The following PDE9A variants were observed in gnomAD, a reference collection of about 807,000 sequenced individuals.
PDE9A encodes high affinity cGMP-specific 3',5'-cyclic phosphodiesterase 9A.
In PDE9A, 60 loss-of-function variants were observed where a neutral mutation model predicts 87.4. The ratio of observed to expected loss-of-function variants is 0.69; its 90% CI spans 0.56 to 0.85. PDE9A has a LOEUF of 0.85. Ranked by LOEUF, PDE9A falls within the 40% of genes least tolerant of loss-of-function variation. The pLI, the probability that PDE9A is intolerant of heterozygous loss-of-function variation, is 0.00. For synonymous variants in PDE9A, 272 were observed against 279.4 expected, an observed-to-expected ratio of 0.97 and a Z score of 0.27; for missense variants, 665 against 779.0, an observed-to-expected ratio of 0.85 and a Z score of 1.74.
chr21:42,688,071 G>T lies in PDE9A; in HGVS notation c.218+77G>T, dbSNP rs549134032. On this transcript the variant is annotated intron_variant, in intron 3 of 19. Coordinates refer to ENST00000291539, the MANE Select transcript of PDE9A (RefSeq NM_002606.3). The stretch of plus-strand genomic sequence containing the variant: ...GACATGGGAGGCTTTCTGTGATTTT[G>T]TAAATGTGCTACTGCAGAAAGGTGT... 2.8e-4 allele frequency: 334 copies of T among 1,185,284 alleles called. 1 individual carries two copies. The African/African-American group carries it at 4.2e-3, about 15-fold the overall frequency. The allele number at this position is 1,185,284 out of a possible 1,614,324, so 73.4% of individuals were successfully genotyped here.
At chr21:42,679,917 CTT>C (rs2059070136) in intron 1 of PDE9A, among the ~76,000 whole-genome samples, 1 of 152,186 alleles carries the variant, frequency 6.6e-6, no homozygotes, top group Non-Finnish European at 1.5e-5. Flanking sequence ...GAAACAGACT[CTT>C]TCTCAAGCCA....
intron 1 of PDE9A, among the ~76,000 whole-genome samples, chr21:42,679,747 G>A (rs1227131952): frequency 1.3e-5 from 2 of 152,122 alleles, no homozygotes; most frequent in East Asian, 1.9e-4. Context: ...CTCTGGACCC[G>A]GAAAGGAAAC....
chr21:42,750,573 C>CTT (rs34377795), intron 8 of PDE9A, among the ~76,000 whole-genome samples: 19 of 147,188 alleles, frequency 1.3e-4, no homozygotes, highest in East Asian at 2.0e-4. Flanking sequence ...ACTTTTTTTT[C>CTT]TTTTTTTTTT....
In PDE9A at chr21:42,696,704, C is replaced by T. The variant is rs758007240; in HGVS notation, c.219-2264C>T. On this transcript the variant is annotated intron_variant, in intron 3 of 19. Transcript: ENST00000291539. This position sits in a 1 kb window ranked among gnomAD's most constrained non-coding sequence, Gnocchi z 5.1. ...CTTCCTAGGCAACCCTGGCACGGGTCCTCACTGGCCACACTGAGGCCATCA... is the reference window on the plus strand; with the variant it reads ...CTTCCTAGGCAACCCTGGCACGGGTTCTCACTGGCCACACTGAGGCCATCA... 2.0e-5 allele frequency among the ~76,000 whole-genome samples: 3 copies of T among 152,220 alleles called. No individual in the cohort carries two copies. Among genetic ancestry groups the T allele is most frequent in the Non-Finnish European group, 4.4e-5 (3 of 68,034 alleles).
intron 1 of PDE9A, among the ~76,000 whole-genome samples, chr21:42,668,891 T>TC (rs1569112468): frequency 9.2e-6 from 1 of 108,776 alleles, no homozygotes; most frequent in African/African-American, 4.9e-5. Flanking sequence ...TCAGAGCTGC[T>TC]CCCTCCACCC....
chr21:42,676,316 G>A (rs906812933), intron 1 of PDE9A, among the ~76,000 whole-genome samples: 3 of 152,214 alleles, frequency 2.0e-5, no homozygotes, highest in East Asian at 1.9e-4. Context: ...TCTTGCCTGT[G>A]TAGACTCTTA....
chr21:42,769,546 A>G (rs2056777659), intron 17 of PDE9A, among the ~76,000 whole-genome samples: 1 of 126,316 alleles, frequency 7.9e-6, no homozygotes, highest in Non-Finnish European at 1.6e-5. Context: ...AGGCACACAA[A>G]TGCACACACA....
At chr21:42,713,160 A>G (rs1302157277) in intron 4 of PDE9A, among the ~76,000 whole-genome samples, 1 of 145,318 alleles carries the variant, frequency 6.9e-6, no homozygotes, top group Non-Finnish European at 1.5e-5. Flanking sequence ...GTTTTGAGAC[A>G]GTGTCGCTCT....
At position 42,668,901 on chromosome 21, in the gene PDE9A, C is replaced by CCG. The variant is rs1252504010; in HGVS notation, c.69+15019_69+15020insGC. Among the ~76,000 whole-genome samples, 2 of 139,088 alleles carry CCG rather than the reference C, an allele frequency of 1.4e-5. 1 individual carries two copies. 91.2% of individuals were successfully genotyped at this position (139,088 alleles called of 152,430 possible). On this transcript the variant is annotated intron_variant, in intron 1 of 19. Coordinates refer to ENST00000291539, the MANE Select transcript of PDE9A (RefSeq NM_002606.3). ...GATTATCAGAGCTGCTCCCTCCACC[C>CCG]CCCGCCACGTCCCACGCGGGCCACA...
In PDE9A at chr21:42,760,604, G is replaced by A. The variant is rs1182956967; in HGVS notation, c.1002+172G>A. On this transcript the variant is annotated intron_variant, in intron 12 of 19. Coordinates refer to ENST00000291539, the MANE Select transcript of PDE9A (RefSeq NM_002606.3). This position sits in a 1 kb window ranked among gnomAD's most constrained non-coding sequence, Gnocchi z 5.2. The stretch of plus-strand genomic sequence containing the variant: ...CCCACCGTTGTCAGTCACCCCATGG[G>A]CGAGGCTGCTCCTAGGATTACGAGA... Among the ~76,000 whole-genome samples, 1 of 151,900 alleles carries A rather than the reference G, an allele frequency of 6.6e-6. No homozygotes were observed. Among genetic ancestry groups the A allele is most frequent in the Non-Finnish European group, 1.5e-5 (1 of 67,932 alleles).
rs1056426495 is a variant in PDE9A at position 42,653,874 on chromosome 21, C to G, written c.60C>G (p.Arg20=). 1.1e-5 allele frequency: 17 copies of G among 1,557,116 alleles called. No homozygotes were observed. Among genetic ancestry groups the G allele is most frequent in the Admixed American group, 1.8e-5 (1 of 55,248 alleles). The part of the protein sequence containing the change: ...PKAIYLDIDG[R]IQKVIFSKYC... Reference sequence around the variant, plus strand: ...CCATCTACCTGGACATCGATGGACGCATTCAGAAGGTAGCCCCTCCCCCAC... The same window carrying G: ...CCATCTACCTGGACATCGATGGACGGATTCAGAAGGTAGCCCCTCCCCCAC... Residue 20 remains arginine, a synonymous_variant, in exon 1 of 20, where the codon CGC becomes CGG. Transcript: ENST00000291539.
chr21:42,740,708 A>ATAGATAGATAGAT (rs1316669514), intron 7 of PDE9A, among the ~76,000 whole-genome samples: 9 of 98,250 alleles, frequency 9.2e-5, no homozygotes, highest in African/African-American at 4.0e-4. Context: ...TAGGTAGTAG[A>ATAGATAGATAGAT]TAGATAGATA....
chr21:42,750,252 G>A (rs908921426), intron 8 of PDE9A, among the ~76,000 whole-genome samples: 1 of 152,186 alleles, frequency 6.6e-6, no homozygotes, highest in Admixed American at 6.5e-5. Flanking sequence ...TTTGAACCTA[G>A]GAGTTCAAGA....
chr21:42,733,224 A>G, intron 6 of PDE9A, 132 bp from the exon 7 acceptor site: 2 of 643,272 alleles, frequency 3.1e-6, no homozygotes, highest in Admixed American at 2.6e-5. Flanking sequence ...TTGGCACCTC[A>G]GACCCTCACC....
At chr21:42,747,520 C>T (rs2053989117) in intron 8 of PDE9A, among the ~76,000 whole-genome samples, 1 of 152,264 alleles carries the variant, frequency 6.6e-6, no homozygotes, top group Admixed American at 6.5e-5. Flanking sequence ...ATGGATCCAC[C>T]AGAAGCTGCC....
intron 8 of PDE9A, among the ~76,000 whole-genome samples, chr21:42,746,732 G>A (rs371257936): frequency 6.6e-6 from 1 of 152,248 alleles, no homozygotes; most frequent in African/African-American, 2.4e-5. Context: ...AGAGGAAGCC[G>A]CCAGGAACTC....
chr21:42,663,173 TCA>T (rs985425735), intron 1 of PDE9A, among the ~76,000 whole-genome samples: 1 of 129,174 alleles, frequency 7.7e-6, no homozygotes, highest in Non-Finnish European at 1.6e-5. Context: ...CACACACACA[TCA>T]CACACATCCA....
chr21:42,768,263 G>C lies in PDE9A; in HGVS notation c.1432G>C (p.Asp478His). The stretch of plus-strand genomic sequence containing the variant: ...AATGGAAGTCGCAGAGCCTTGGGTG[G>C]ACTGTTTATTAGAGGAATATTTTAT... Reference protein sequence around the residue: ...RPMEVAEPWVDCLLEEYFMQS... With the variant: ...RPMEVAEPWVHCLLEEYFMQS... The change falls in exon 16 of 20, where the codon GAC (aspartate) becomes CAC (histidine). Residue 478 changes from aspartate to histidine, a missense_variant. Coordinates refer to ENST00000291539, the MANE Select transcript of PDE9A (RefSeq NM_002606.3). The C allele has an allele frequency of 2.5e-6, 4 of 1,603,556 alleles. No homozygotes were observed. Among genetic ancestry groups the C allele is most frequent in the Non-Finnish European group, 3.4e-6 (4 of 1,170,326 alleles).
intron 16 of PDE9A, 181 bp from the exon 17 acceptor site, chr21:42,768,846 C>T (rs4920149): frequency 0.36 from 358,040 of 984,052 alleles, 65,833 homozygotes; most frequent in South Asian, 0.51. Flanking sequence ...TAGACCTGCA[C>T]GCCCAGCTCT....
Sources: gnomAD v4.1 joint callset for allele counts (sites outside exome capture counted in the v4.1 genomes callset) on GRCh38, gnomAD v4.1.1 for gene constraint, Gnocchi (gnomAD v3.1) non-coding constraint, MANE v1.5 for transcripts, NCBI Gene and HGNC (gene_info 2026-07-23, HGNC 2026-07-21) for gene names.